PKD1L1: variants seen among roughly 807,000 people sequenced by gnomAD.
PKD1L1 encodes polycystin-1-like protein 1.
In PKD1L1, 236 loss-of-function variants were observed where a neutral mutation model predicts 323.4. The observed-to-expected ratio is 0.73, with a 90% CI of 0.66 to 0.81. The LOEUF is 0.81. Among genes scored for constraint, PKD1L1 ranks in the 40% least tolerant of loss-of-function variants. PKD1L1 has a pLI of 0.00. For synonymous variants in PKD1L1, 1,344 were observed against 1,335.0 expected (o/e 1.01, Z -0.15); for missense variants, 3,320 against 3,508.0 (o/e 0.95, Z 1.35).
intron 4 of PKD1L1, among the ~76,000 whole-genome samples, chr7:47,932,965 G>A (rs1347046306): frequency 1.3e-5 from 2 of 152,204 alleles, no homozygotes; most frequent in Non-Finnish European, 2.9e-5. Context: ...CTATACAAGA[G>A]TCATCATTCT....
At chr7:47,824,824 A>G (rs1273090577) in intron 45 of PKD1L1, among the ~76,000 whole-genome samples, 1 of 152,144 alleles carries the variant, frequency 6.6e-6, no homozygotes, top group Non-Finnish European at 1.5e-5. Context: ...ACACTACTAC[A>G]CTGTGTTCCT....
intron 46 of PKD1L1, chr7:47,819,523 A>G: frequency 7.4e-7 from 1 of 1,353,652 alleles, no homozygotes; most frequent in Non-Finnish European, 9.8e-7. Flanking sequence ...CTACTGGCAC[A>G]GGCTGTGCAC....
intron 7 of PKD1L1, among the ~76,000 whole-genome samples, chr7:47,919,778 T>C (rs1787498262): frequency 6.6e-6 from 1 of 152,120 alleles, no homozygotes; most frequent in African/African-American, 2.4e-5. Flanking sequence ...CATGATCATC[T>C]CAATAGATGC....
At chr7:47,956,200 T>C in the PKD1L1 span, among the ~76,000 whole-genome samples, 1 of 152,160 alleles carries the variant, frequency 6.6e-6, no homozygotes, top group Non-Finnish European at 1.5e-5. Context: ...TGTTTGATCA[T>C]AACACCTCTC....
In PKD1L1 at chr7:47,787,283, G is replaced by A. The variant is rs142174051; in HGVS notation, c.8526+5344C>T. 3.7e-4 allele frequency among the ~76,000 whole-genome samples: 56 copies of A among 152,310 alleles called. 1 individual carries two copies. The East Asian group carries it at 8.1e-3, about 22-fold the overall frequency. On this transcript the variant is annotated intron_variant, in intron 56 of 56. Transcript: ENST00000289672. ...AAACCCACCTGGGAGCCAGGTGAGA[G>A]AGACCCACCCTTGGCAGCATTAACT... is the stretch of plus-strand genomic sequence containing the variant.
chr7:47,808,185 G>A (rs1784819887), intron 52 of PKD1L1, 62 bp downstream of exon 52: 2 of 1,577,134 alleles, frequency 1.3e-6, no homozygotes, highest in Non-Finnish European at 1.7e-6. Context: ...TGTGACCTCT[G>A]CCTTTTGGAT....
At chr7:47,886,663 C>T (rs1786691908) in intron 17 of PKD1L1, among the ~76,000 whole-genome samples, 1 of 152,148 alleles carries the variant, frequency 6.6e-6, no homozygotes, top group Admixed American at 6.5e-5. Flanking sequence ...CTTCTCTCAC[C>T]ATGTAATATG....
chr7:47,883,984 T>C lies in PKD1L1; in HGVS notation c.3265+614A>G, dbSNP rs1786623297. On this transcript the variant is annotated intron_variant, in intron 19 of 56. Coordinates refer to ENST00000289672, the MANE Select transcript of PKD1L1 (RefSeq NM_138295.5). ...ATCATCAATTCATTCTACAATGTGT[T>C]TACTGAGTGCCAATGTGCCAGGGAC... is the stretch of plus-strand genomic sequence containing the variant. Among the ~76,000 whole-genome samples the C allele has an allele frequency of 2.6e-5, 4 of 152,188 alleles. No homozygotes were observed. In the South Asian group the frequency reaches 8.3e-4, roughly 32 times the overall value.
At chr7:47,879,195 C>T (rs1786475151) in intron 21 of PKD1L1, among the ~76,000 whole-genome samples, 1 of 152,186 alleles carries the variant, frequency 6.6e-6, no homozygotes, top group Non-Finnish European at 1.5e-5. Context: ...GAGCCCAGCC[C>T]AGCCAGTTCT....
chr7:47,847,561 T>C (rs1484848586), intron 31 of PKD1L1, among the ~76,000 whole-genome samples: 1 of 152,226 alleles, frequency 6.6e-6, no homozygotes, highest in African/African-American at 2.4e-5. Context: ...ATTTTTTTTT[T>C]ATGTTTAGCC....
Position 47,808,383 on chromosome 7 carries a change from G to A in PKD1L1, c.7691C>T (p.Ser2564Phe). The A allele has an allele frequency of 1.2e-6, 2 of 1,614,044 alleles. No homozygotes were observed. Among genetic ancestry groups the A allele is most frequent in the Non-Finnish European group, 1.7e-6 (2 of 1,180,022 alleles). ...GTAGGTGAGGCTCACTCCAACCACG[G>A]AGAGCTGGAACATCCAAGAGAAAGG... ...WRKPRNWLELSVVGVSLTYYA... is the reference protein window; with the variant it reads ...WRKPRNWLELFVVGVSLTYYA... The change falls in exon 52 of 57, where the codon TCC (serine) becomes TTC (phenylalanine). Residue 2564 changes from serine to phenylalanine, a missense_variant. By Grantham distance (155) the Ser-to-Phe change is radical. Coordinates refer to ENST00000289672, the MANE Select transcript of PKD1L1 (RefSeq NM_138295.5).
chr7:47,809,641 C>G, intron 50 of PKD1L1, 64 bp from the exon 51 acceptor site: 1 of 1,244,486 alleles, frequency 8.0e-7, no homozygotes, highest in Admixed American at 2.7e-5. Flanking sequence ...TTTTGAAGGT[C>G]TAAACATGTG....
chr7:47,911,565 T>C (rs1787321809), intron 8 of PKD1L1, among the ~76,000 whole-genome samples: 1 of 152,202 alleles, frequency 6.6e-6, no homozygotes, highest in African/African-American at 2.4e-5. Context: ...AATAGAGATA[T>C]ACTTAGCCTT....
Position 47,874,005 on chromosome 7 carries a change from C to A in PKD1L1, c.3790G>T (p.Val1264Phe), listed in dbSNP as rs750559465. ...TTGCCATCTGTGATTTCAGTGGAAA[C>A]CATGACTGTGAGGGAACATGTCAGA... ...GEHLDNYKVM[V>F]STEITDGKGS... is the part of the protein sequence containing the mutation. Residue 1264 changes from valine to phenylalanine, a missense_variant, in exon 24 of 57, where the codon GTT becomes TTT. Val to Phe is a conservative substitution (Grantham distance 50). Transcript: ENST00000289672. 18 of 1,605,846 alleles carry A rather than the reference C, an allele frequency of 1.1e-5. No individual in the cohort carries two copies. Among genetic ancestry groups the A allele is most frequent in the Non-Finnish European group, 6.8e-6 (8 of 1,173,298 alleles).
In PKD1L1 at chr7:47,941,507, T is replaced by C. The variant is rs181746826; in HGVS notation, c.161-1190A>G. Among the ~76,000 whole-genome samples, 432 of 152,276 alleles carry C rather than the reference T, an allele frequency of 2.8e-3. 6 individuals carry two copies. Among genetic ancestry groups the C allele is most frequent in the African/African-American group, 9.7e-3 (403 of 41,558 alleles). ...CCAGTTTTAACATTGTGAGTCAAAGTCACTATTTACTGTCAAGAGTCCAGT... is the reference window on the plus strand; with the variant it reads ...CCAGTTTTAACATTGTGAGTCAAAGCCACTATTTACTGTCAAGAGTCCAGT... On this transcript the variant is annotated intron_variant, in intron 2 of 56. Transcript: ENST00000289672.
chr7:47,859,882 C>T lies in PKD1L1; in HGVS notation c.4150-997G>A, dbSNP rs545668621. 7.3e-3 allele frequency among the ~76,000 whole-genome samples: 1,112 copies of T among 152,222 alleles called. 6 individuals are homozygous for T. The highest frequency in any genetic ancestry group is 0.025 in the African/African-American group (1,032 of 41,524). ...AGACCTCATGATCCACCCGCCTCGG[C>T]TTCCCAAAGTGCTGGGAGTACAGGT... On this transcript the variant is annotated intron_variant, in intron 26 of 56. Coordinates refer to ENST00000289672, the MANE Select transcript of PKD1L1 (RefSeq NM_138295.5).
intron 52 of PKD1L1, 112 bp downstream of exon 52, chr7:47,808,135 A>G (rs1047173531): frequency 3.7e-6 from 5 of 1,344,984 alleles, no homozygotes; most frequent in Non-Finnish European, 5.1e-6. Flanking sequence ...TCATCTCTCG[A>G]TATCAAACAA....
At chr7:47,884,480 T>C in intron 19 of PKD1L1, 118 bp downstream of exon 19, 1 of 892,550 alleles carries the variant, frequency 1.1e-6, no homozygotes, top group African/African-American at 1.7e-5. Flanking sequence ...AACTTTTCCC[T>C]GTGATTCTGT....
chr7:47,934,718 A>G (rs945771073), intron 4 of PKD1L1, among the ~76,000 whole-genome samples: 1 of 152,086 alleles, frequency 6.6e-6, no homozygotes. Context: ...TTGTGATTCA[A>G]TCACAAAAGT....
Sources: allele counts gnomAD v4.1 joint callset (sites outside exome capture counted in the v4.1 genomes callset), GRCh38; gene constraint gnomAD v4.1.1; transcripts MANE v1.5; gene names NCBI Gene and HGNC (gene_info 2026-07-23, HGNC 2026-07-21).